RIMS2: variants seen among roughly 807,000 people sequenced by gnomAD.
RIMS2 encodes regulating synaptic membrane exocytosis 2.
RIMS2 carries 59 observed loss-of-function variants against 174.4 expected under a neutral mutation model. The ratio of observed to expected loss-of-function variants is 0.34; its 90% confidence interval spans 0.27 to 0.42. The LOEUF (loss-of-function observed/expected upper bound fraction) is 0.42. Ranked by LOEUF, RIMS2 falls within the 10% of genes least tolerant of loss-of-function variation. The pLI, the probability that RIMS2 is intolerant of heterozygous loss-of-function variation, is 1.00. For synonymous variants in RIMS2, 606 were observed against 572.5 expected (o/e 1.06, Z -0.84); for missense variants, 1,620 against 1,666.3 (o/e 0.97, Z 0.48).
At chr8:103,940,896 A>G (rs1156286449) in intron 13 of RIMS2, among the ~76,000 whole-genome samples, 5 of 151,130 alleles carry the variant, frequency 3.3e-5, no homozygotes, top group Admixed American at 2.6e-4. Flanking sequence ...AAAAAAAGCT[A>G]AAATCCCTTG....
intron 1 of RIMS2, among the ~76,000 whole-genome samples, chr8:103,581,454 G>A (rs558209949): frequency 7.2e-5 from 11 of 152,226 alleles, no homozygotes; most frequent in African/African-American, 2.6e-4. Flanking sequence ...TCAACACACT[G>A]AATGTAGAAG....
intron 3 of RIMS2, among the ~76,000 whole-genome samples, chr8:103,804,618 G>A (rs1319587571): frequency 1.3e-5 from 2 of 152,146 alleles, no homozygotes; most frequent in East Asian, 1.9e-4. Flanking sequence ...TTATTTCTAG[G>A]AGGAATAGAT....
At position 103,577,187 on chromosome 8, in the gene RIMS2, G is replaced by A. The variant is rs531861905; in HGVS notation, c.176+76125G>A. ...TTGCAATATATCCATCTGACAAAGG[G>A]CTAATATCTAGAATCTACAAGGAAC... On this transcript the variant is annotated intron_variant, in intron 1 of 23. Coordinates refer to ENST00000504942, the Ensembl canonical transcript of RIMS2. Among the ~76,000 whole-genome samples, 6 of 152,122 alleles carry A rather than the reference G, an allele frequency of 3.9e-5. No homozygotes were observed. The East Asian group carries it at 9.7e-4, about 25-fold the overall frequency.
chr8:103,656,157 G>C (rs563417384), intron 1 of RIMS2, among the ~76,000 whole-genome samples: 3 of 152,058 alleles, frequency 2.0e-5, no homozygotes, highest in Admixed American at 6.6e-5. Context: ...TTGAAGAAGG[G>C]AAAAGAACCA....
At chr8:104,125,752 G>T (rs2098423444) in intron 19 of RIMS2, among the ~76,000 whole-genome samples, 1 of 152,098 alleles carries the variant, frequency 6.6e-6, no homozygotes, top group Non-Finnish European at 1.5e-5. Flanking sequence ...GTTCTTAAAT[G>T]TATGGTATTC....
At chr8:104,097,903 T>A (rs1023404440) in intron 19 of RIMS2, among the ~76,000 whole-genome samples, 1 of 152,176 alleles carries the variant, frequency 6.6e-6, no homozygotes, top group African/African-American at 2.4e-5. Context: ...CCACAACTAC[T>A]TTTACACCAA....
At chr8:103,562,171 C>G (rs888967535) in intron 1 of RIMS2, among the ~76,000 whole-genome samples, 16 of 152,186 alleles carry the variant, frequency 1.1e-4, no homozygotes, top group Non-Finnish European at 2.1e-4. Context: ...CAAAACCAGT[C>G]CTGCCTTCCT....
chr8:103,942,999 C>A, intron 14 of RIMS2, 73 bp downstream of exon 16: 1 of 1,090,474 alleles, frequency 9.2e-7, no homozygotes, highest in Non-Finnish European at 1.3e-6. Context: ...TGATAAAGAA[C>A]TTGAAGATAT....
chr8:103,848,448 G>A (rs1163599530), intron 3 of RIMS2, among the ~76,000 whole-genome samples: 2 of 152,024 alleles, frequency 1.3e-5, no homozygotes, highest in African/African-American at 2.4e-5. Context: ...ATCTGGACCT[G>A]CTCAACCCTA....
At chr8:104,156,234 T>C (rs2098723057) in intron 19 of RIMS2, among the ~76,000 whole-genome samples, 1 of 152,216 alleles carries the variant, frequency 6.6e-6, no homozygotes. Flanking sequence ...CTCAAGACTT[T>C]TTTCATCTTG....
chr8:103,735,213 A>C (rs2097670777), intron 2 of RIMS2, among the ~76,000 whole-genome samples: 1 of 152,170 alleles, frequency 6.6e-6, no homozygotes, highest in African/African-American at 2.4e-5. Context: ...TAGTTCAGTA[A>C]ATTTCTTTTT....
chr8:103,621,087 T>G (rs1316973015), intron 1 of RIMS2, among the ~76,000 whole-genome samples: 1 of 152,220 alleles, frequency 6.6e-6, no homozygotes, highest in Non-Finnish European at 1.5e-5. Flanking sequence ...AATAATTTTA[T>G]GTGAGTTCCC....
intron 1 of RIMS2, among the ~76,000 whole-genome samples, chr8:103,517,937 CA>C: frequency 6.7e-6 from 1 of 148,870 alleles, no homozygotes; most frequent in East Asian, 2.0e-4. Context: ...AAAAAAATTG[CA>C]AAAAAATCTC....
intron 16 of RIMS2, among the ~76,000 whole-genome samples, chr8:103,979,595 CA>C (rs2093722693): frequency 6.6e-6 from 1 of 152,192 alleles, no homozygotes; most frequent in South Asian, 2.1e-4. Flanking sequence ...GCTATCTGCA[CA>C]CTGAAAAACA....
intron 19 of RIMS2, among the ~76,000 whole-genome samples, chr8:104,045,380 A>G (rs2096675099): frequency 6.6e-6 from 1 of 151,938 alleles, no homozygotes; most frequent in Non-Finnish European, 1.5e-5. Flanking sequence ...GAGAAGTAGC[A>G]TGCTTTATTA....
At chr8:104,135,413 A>G (rs1288971932) in intron 19 of RIMS2, among the ~76,000 whole-genome samples, 2 of 152,002 alleles carry the variant, frequency 1.3e-5, no homozygotes, top group Non-Finnish European at 2.9e-5. Flanking sequence ...AGCCTGGGGA[A>G]CTTGGCCAGA....
chr8:104,064,850 A>G (rs965452010), intron 19 of RIMS2, among the ~76,000 whole-genome samples: 1 of 152,058 alleles, frequency 6.6e-6, no homozygotes, highest in Non-Finnish European at 1.5e-5. Context: ...AAATTTTTTT[A>G]CAATTTGAAA....
At chr8:104,119,095 C>G (rs1188792927) in intron 19 of RIMS2, among the ~76,000 whole-genome samples, 1 of 151,878 alleles carries the variant, frequency 6.6e-6, no homozygotes, top group Non-Finnish European at 1.5e-5. Flanking sequence ...GGCCTGTAAT[C>G]CCAGCACTTT....
At chr8:103,712,538 T>C (rs2097318971) in intron 2 of RIMS2, among the ~76,000 whole-genome samples, 1 of 152,190 alleles carries the variant, frequency 6.6e-6, no homozygotes, top group African/African-American at 2.4e-5. Flanking sequence ...GTAGTTAAGC[T>C]CCTTATCAGT....
Sources: allele counts gnomAD v4.1 joint callset (sites outside exome capture counted in the v4.1 genomes callset), GRCh38; gene constraint gnomAD v4.1.1; transcripts MANE v1.5; gene names NCBI Gene and HGNC (gene_info 2026-07-23, HGNC 2026-07-21).